Variants in GPC3 observed in about 807,000 individuals in gnomAD.
The protein encoded by GPC3 is glypican 3.
A neutral mutation model predicts 34.4 loss-of-function variants in GPC3; 3 were observed. The ratio of observed to expected loss-of-function variants is 0.09; its 90% CI spans 0.04 to 0.23. The LOEUF (loss-of-function observed/expected upper bound fraction) is 0.23. GPC3 is among the 10% of genes least tolerant of loss of function. The pLI is 1.00. For synonymous variants in GPC3, 177 were observed against 174.0 expected (o/e 1.02, Z -0.13); for missense variants, 351 against 445.6 (o/e 0.79, Z 1.91).
At chrX:133,710,780 C>T (rs73559391) in intron 3 of GPC3, among the ~76,000 whole-genome samples, 4,387 of 111,831 alleles carry the variant, frequency 0.039, 228 homozygotes, top group African/African-American at 0.14. Context: ...TTAAATGCTC[C>T]TTATGTAGAA....
chrX:133,681,801 C>CTT (rs2070946827), intron 5 of GPC3, among the ~76,000 whole-genome samples: 1 of 112,137 alleles, frequency 8.9e-6, no homozygotes, highest in Admixed American at 9.4e-5. Context: ...GATTGACTAT[C>CTT]AGAAAGAAAC....
intron 2 of GPC3, among the ~76,000 whole-genome samples, chrX:133,910,054 G>C (rs2076190311): frequency 9.0e-6 from 1 of 110,967 alleles, no homozygotes; most frequent in African/African-American, 3.3e-5. Context: ...CTGGAGATGT[G>C]TGCTTTGCTT....
At chrX:133,902,465 A>G (rs5930626) in intron 2 of GPC3, among the ~76,000 whole-genome samples, 49,160 of 111,093 alleles carry the variant, frequency 0.44, 9,600 homozygotes, top group African/African-American at 0.78. Flanking sequence ...AGGTGCACCT[A>G]TAATTCCAGA....
At chrX:133,630,928 C>G (rs2070358917) in intron 6 of GPC3, among the ~76,000 whole-genome samples, 1 of 111,603 alleles carries the variant, frequency 9.0e-6, no homozygotes, top group Admixed American at 9.6e-5. Context: ...GAAAAAGAGA[C>G]CCATGGTCAG....
intron 2 of GPC3, among the ~76,000 whole-genome samples, chrX:133,926,131 T>A (rs1318191917): frequency 1.8e-5 from 2 of 111,590 alleles, no homozygotes; most frequent in African/African-American, 6.5e-5. Context: ...TGTGATTCTA[T>A]GGAACCACCT....
At chrX:133,611,226 G>A (rs2070108298) in intron 6 of GPC3, among the ~76,000 whole-genome samples, 1 of 108,973 alleles carries the variant, frequency 9.2e-6, no homozygotes, top group Non-Finnish European at 1.9e-5. Context: ...GTGGGGTGTG[G>A]GTGGGGGTGT....
At chrX:133,627,812 G>A (rs1225644297) in intron 6 of GPC3, among the ~76,000 whole-genome samples, 8 of 112,467 alleles carry the variant, frequency 7.1e-5, no homozygotes, top group Non-Finnish European at 1.5e-4. Flanking sequence ...TCTGTGGGCA[G>A]TCTCTATGGG....
intron 6 of GPC3, among the ~76,000 whole-genome samples, chrX:133,598,519 C>T (rs899183674): frequency 6.3e-5 from 7 of 111,403 alleles, no homozygotes; most frequent in Non-Finnish European, 1.9e-5. Flanking sequence ...ATCTGCTTCT[C>T]CACTCAATCT....
chrX:133,535,926 C>A lies in GPC3; in HGVS notation c.*198G>T. ...TGCAAAAGGACAATCTATATGCTAC[C>A]ACTAAAATGTATCTTCCTCCAAAAG... On this transcript the variant is annotated 3_prime_UTR_variant, in exon 8 of 8. Coordinates refer to ENST00000370818, the MANE Select transcript of GPC3 (RefSeq NM_004484.4). 2.4e-6 allele frequency: 1 copy of A among 424,411 alleles called. No homozygotes were observed. The highest frequency in any genetic ancestry group is 4.1e-6 in the Non-Finnish European group (1 of 245,045). The allele number at this position is 424,411 out of a possible 1,213,427, so 35.0% of individuals were successfully genotyped here.
chrX:133,820,656 G>A (rs1182091809), intron 2 of GPC3, among the ~76,000 whole-genome samples: 1 of 111,635 alleles, frequency 9.0e-6, no homozygotes. Flanking sequence ...AGTTTGGGTA[G>A]AGAAAATGGG....
chrX:133,861,362 G>A, intron 2 of GPC3, among the ~76,000 whole-genome samples: 1 of 110,435 alleles, frequency 9.1e-6, no homozygotes, highest in Non-Finnish European at 1.9e-5. Context: ...TTAGATTCTA[G>A]GAGCTAGAAT....
chrX:133,598,161 C>CT (rs975064141), intron 6 of GPC3, among the ~76,000 whole-genome samples: 1 of 109,872 alleles, frequency 9.1e-6, no homozygotes, highest in Non-Finnish European at 1.9e-5. Flanking sequence ...ATAAACATTT[C>CT]TTTTTTTTTG....
At chrX:133,928,635 G>C (rs1192442097) in intron 2 of GPC3, among the ~76,000 whole-genome samples, 1 of 111,895 alleles carries the variant, frequency 8.9e-6, no homozygotes, top group Non-Finnish European at 1.9e-5. Context: ...ATCTTAACAG[G>C]TGTGAGGTGG....
intron 3 of GPC3, among the ~76,000 whole-genome samples, chrX:133,749,978 C>T (rs1332790311): frequency 1.8e-5 from 2 of 111,353 alleles, no homozygotes; most frequent in African/African-American, 6.5e-5. Context: ...CCTACCCCCA[C>T]CATTTGGTAC....
intron 7 of GPC3, among the ~76,000 whole-genome samples, chrX:133,583,566 T>C (rs1410325639): frequency 9.0e-6 from 1 of 111,084 alleles, no homozygotes; most frequent in Admixed American, 9.6e-5. Flanking sequence ...GATGTTGCCA[T>C]GTTAGCCAGG....
chrX:133,601,809 T>C (rs1378589782), intron 6 of GPC3, among the ~76,000 whole-genome samples: 1 of 111,819 alleles, frequency 8.9e-6, no homozygotes, highest in Non-Finnish European at 1.9e-5. Flanking sequence ...CTCTTATACA[T>C]GTTGATAGGA....
intron 2 of GPC3, among the ~76,000 whole-genome samples, chrX:133,905,050 C>T (rs1160358857): frequency 8.9e-6 from 1 of 111,821 alleles, no homozygotes; most frequent in African/African-American, 3.3e-5. Flanking sequence ...CAAAGTAAGT[C>T]TCCCCTCACC....
At chrX:133,747,611 G>T (rs1025566455) in intron 3 of GPC3, among the ~76,000 whole-genome samples, 12 of 111,694 alleles carry the variant, frequency 1.1e-4, no homozygotes, top group East Asian at 2.8e-4. Flanking sequence ...TAGAGTAATG[G>T]TTAAGAGCAT....
chrX:133,622,149 G>T lies in GPC3; in HGVS notation c.1414-25550C>A, dbSNP rs972118031. ...GGACATCCACACCAAAACCCCATCT[G>T]TATGTCACCATCATCAAACACCAAA... is the stretch of plus-strand genomic sequence containing the variant. On this transcript the variant is annotated intron_variant, in intron 6 of 7. Transcript: ENST00000370818. 3.6e-5 allele frequency among the ~76,000 whole-genome samples: 4 copies of T among 111,903 alleles called. No homozygotes were observed. In the East Asian group the frequency reaches 1.1e-3, roughly 31 times the overall value.
Sources: allele counts gnomAD v4.1 joint callset (sites outside exome capture counted in the v4.1 genomes callset), GRCh38; gene constraint gnomAD v4.1.1; transcripts MANE v1.5; gene names NCBI Gene and HGNC (gene_info 2026-07-23, HGNC 2026-07-21).